CCDC102B: variants seen among roughly 807,000 people sequenced by gnomAD.
The protein encoded by CCDC102B is coiled-coil domain containing 102B.
In CCDC102B, 75 loss-of-function variants were observed where a neutral mutation model predicts 57.4. The ratio of observed to expected loss-of-function variants is 1.31; its 90% CI spans 1.08 to 1.58. CCDC102B has a LOEUF of 1.58. Ranked by LOEUF, CCDC102B falls within the 40% of genes most tolerant of loss-of-function variation. The pLI, the probability that CCDC102B is intolerant of heterozygous loss-of-function variation, is 0.00. For synonymous variants in CCDC102B, 206 were observed against 201.9 expected (o/e 1.02, Z -0.17); for missense variants, 636 against 582.6 (o/e 1.09, Z -0.94).
intron 6 of CCDC102B, among the ~76,000 whole-genome samples, chr18:68,956,350 T>A (rs796398575): frequency 0.012 from 18 of 1,444 alleles, no homozygotes; most frequent in South Asian, 0.025. Context: ...ATATATATAT[T>A]AATATATATA....
At chr18:68,762,887 G>A (rs1030921665) in intron 2 of CCDC102B, among the ~76,000 whole-genome samples, 5 of 152,060 alleles carry the variant, frequency 3.3e-5, no homozygotes, top group Admixed American at 6.6e-5. Flanking sequence ...TACTACCTGT[G>A]GTTTTAGGCA....
chr18:68,925,142 C>G (rs138882622), intron 6 of CCDC102B, among the ~76,000 whole-genome samples: 305 of 152,180 alleles, frequency 2.0e-3, no homozygotes, highest in African/African-American at 6.7e-3. Flanking sequence ...TCTTCCTATC[C>G]TACCACCATC....
At chr18:68,872,700 T>C (rs2039287492) in intron 4 of CCDC102B, among the ~76,000 whole-genome samples, 1 of 152,042 alleles carries the variant, frequency 6.6e-6, no homozygotes. Flanking sequence ...GCCTCCCTTT[T>C]CTTGTTTTTT....
intron 7 of CCDC102B, among the ~76,000 whole-genome samples, chr18:69,025,631 CT>C (rs1368021531): frequency 2.0e-5 from 3 of 152,160 alleles, no homozygotes; most frequent in Admixed American, 6.5e-5. Flanking sequence ...CACCAAAGTT[CT>C]AATTTTTTTG....
intron 6 of CCDC102B, among the ~76,000 whole-genome samples, chr18:68,936,746 CATAT>C (rs147923317): frequency 0.26 from 39,314 of 148,768 alleles, 6,379 homozygotes; most frequent in Non-Finnish European, 0.36. Flanking sequence ...GGACAACTTT[CATAT>C]ATATATATAT....
At position 68,897,237 on chromosome 18, in the gene CCDC102B, G is replaced by A. The variant is rs146661486; in HGVS notation, c.1072G>A (p.Glu358Lys). The A allele has an allele frequency of 1.4e-3, 2,222 of 1,612,344 alleles. 29 individuals carry two copies. The African/African-American group carries it at 0.025, about 18-fold the overall frequency. ...TGTGTAGCTAGAGAGATTGCAAGCT[G>A]AAAATACCTCGGAGTGGGACAAGAG... is the stretch of plus-strand genomic sequence containing the variant. The part of the protein sequence containing the change: ...LRAELERLQA[E>K]NTSEWDKREI... Residue 358 changes from glutamate to lysine, a missense_variant, in exon 6 of 8, where the codon GAA (glutamate) becomes AAA (lysine). By Grantham distance (56) the Glu-to-Lys change is moderately conservative. Transcript: ENST00000360242.
chr18:69,008,340 C>T (rs1018917141), intron 6 of CCDC102B, among the ~76,000 whole-genome samples: 4 of 152,146 alleles, frequency 2.6e-5, no homozygotes, highest in African/African-American at 9.7e-5. Flanking sequence ...GGTGCATAAA[C>T]GACAGTGTTA....
intron 6 of CCDC102B, among the ~76,000 whole-genome samples, chr18:68,994,726 G>T (rs2050974974): frequency 6.6e-6 from 1 of 152,110 alleles, no homozygotes; most frequent in South Asian, 2.1e-4. Flanking sequence ...GTTTCCAGAG[G>T]CCTCCCCAGC....
At chr18:68,922,577 G>A (rs2041320082) in intron 6 of CCDC102B, among the ~76,000 whole-genome samples, 1 of 152,158 alleles carries the variant, frequency 6.6e-6, no homozygotes, top group African/African-American at 2.4e-5. Flanking sequence ...TTCATGAGCT[G>A]TGGTTGATGA....
chr18:68,954,155 A>T (rs1205957932), intron 6 of CCDC102B, among the ~76,000 whole-genome samples: 4 of 152,088 alleles, frequency 2.6e-5, no homozygotes, highest in Non-Finnish European at 4.4e-5. Flanking sequence ...GCAGTGGCTA[A>T]GCCTATATAA....
At position 68,912,920 on chromosome 18, in the gene CCDC102B, C is replaced by T. The variant is rs1485611365; in HGVS notation, c.1263+15492C>T. 3.3e-5 allele frequency among the ~76,000 whole-genome samples: 5 copies of T among 152,226 alleles called. No homozygotes were observed. The East Asian group carries it at 7.7e-4, about 24-fold the overall frequency. ...TAAATAAATGTCACTAATTTGGGTT[C>T]GTGTGTACAATGCAATATTTCCTTG... is the stretch of plus-strand genomic sequence containing the variant. On this transcript the variant is annotated intron_variant, in intron 6 of 7. Coordinates refer to ENST00000360242, the MANE Select transcript of CCDC102B (RefSeq NM_024781.3).
intron 2 of CCDC102B, among the ~76,000 whole-genome samples, chr18:68,790,570 C>G (rs556225340): frequency 6.6e-6 from 1 of 152,264 alleles, no homozygotes; most frequent in African/African-American, 2.4e-5. Flanking sequence ...GTGCAGTATT[C>G]GGGTGGGAGT....
At chr18:68,985,731 C>A (rs1231780320) in intron 6 of CCDC102B, among the ~76,000 whole-genome samples, 1 of 152,108 alleles carries the variant, frequency 6.6e-6, no homozygotes, top group East Asian at 1.9e-4. Flanking sequence ...AAGAGAAATG[C>A]TCTGGGTTCT....
intron 7 of CCDC102B, among the ~76,000 whole-genome samples, chr18:69,052,656 G>T (rs1362958172): frequency 2.0e-5 from 3 of 151,598 alleles, no homozygotes; most frequent in South Asian, 2.1e-4. Flanking sequence ...TAATCTTATG[G>T]GACCACTACC....
intron 6 of CCDC102B, among the ~76,000 whole-genome samples, chr18:68,988,149 G>A (rs2050770221): frequency 6.6e-6 from 1 of 151,978 alleles, no homozygotes; most frequent in Non-Finnish European, 1.5e-5. Flanking sequence ...CAACTAAGGT[G>A]CCCATCAACA....
rs777256853 is a variant in CCDC102B at position 69,054,934 on chromosome 18, T to C, written c.*797T>C. ...AGAAAATTAGGAAATTGTGGTTATG[T>C]GAATATTTCTTTAAAACTTTTATGT... On this transcript the variant is annotated 3_prime_UTR_variant, in exon 8 of 8. Transcript: ENST00000360242. 4.1e-6 allele frequency: 4 copies of C among 985,196 alleles called. No individual in the cohort carries two copies. Among genetic ancestry groups the C allele is most frequent in the Non-Finnish European group, 4.8e-6 (4 of 829,770 alleles). 61.0% of individuals were successfully genotyped at this position (985,196 alleles called of 1,614,324 possible).
In CCDC102B at chr18:68,921,034, T is replaced by C. The variant is rs1400411350; in HGVS notation, c.1263+23606T>C. On this transcript the variant is annotated intron_variant, in intron 6 of 7. Coordinates refer to ENST00000360242, the MANE Select transcript of CCDC102B (RefSeq NM_024781.3). ...TCCAAATGTTCTCCTCATCCAGAGATGAGATGTTGTAAAAGTGTCATGCCC... is the reference window on the plus strand; with the variant it reads ...TCCAAATGTTCTCCTCATCCAGAGACGAGATGTTGTAAAAGTGTCATGCCC... Among the ~76,000 whole-genome samples, 5 of 151,790 alleles carry C rather than the reference T, an allele frequency of 3.3e-5. No homozygotes were observed. In the East Asian group the frequency reaches 7.8e-4, roughly 24 times the overall value.
chr18:68,755,421 A>G (rs1309006944), intron 2 of CCDC102B, among the ~76,000 whole-genome samples: 2 of 152,182 alleles, frequency 1.3e-5, no homozygotes, highest in Admixed American at 6.6e-5. Context: ...CATGGAATCT[A>G]TGAAAAATTC....
intron 6 of CCDC102B, among the ~76,000 whole-genome samples, chr18:68,974,759 AT>A (rs1387328858): frequency 1.1e-4 from 16 of 151,966 alleles, no homozygotes; most frequent in Non-Finnish European, 2.4e-4. Context: ...TTGACATTAA[AT>A]TTAAACTTTA....
Sources: allele counts gnomAD v4.1 joint callset (sites outside exome capture counted in the v4.1 genomes callset), GRCh38; gene constraint gnomAD v4.1.1; transcripts MANE v1.5; gene names NCBI Gene and HGNC (gene_info 2026-07-23, HGNC 2026-07-21).